FGF14: variants seen among roughly 807,000 people sequenced by gnomAD.
FGF14 encodes the protein fibroblast growth factor 14, also known as fibroblast growth factor homologous factor 4.
A neutral mutation model predicts 25.5 loss-of-function variants in FGF14; 5 were observed. The observed-to-expected ratio is 0.20, with a 90% CI of 0.10 to 0.41. FGF14 has a LOEUF of 0.41. Among genes scored for constraint, FGF14 ranks in the 10% least tolerant of loss-of-function variants. The pLI is 1.00. For missense variants in FGF14, 222 were observed against 320.1 expected (o/e 0.69, Z 2.34); for synonymous variants, 138 against 118.3 (o/e 1.17, Z -1.08).
intron 1 of FGF14, among the ~76,000 whole-genome samples, chr13:101,876,491 A>G (rs2045401626): frequency 6.6e-6 from 1 of 152,204 alleles, no homozygotes; most frequent in South Asian, 2.1e-4. Context: ...TCCTGAAGAA[A>G]TTACAAAGAA....
rs146607403 is a variant in FGF14, at chr13:102,372,840, G to A, written c.208+28631C>T. Among the ~76,000 whole-genome samples the A allele has an allele frequency of 1.2e-3, 178 of 152,086 alleles. 1 individual carries two copies. The highest frequency in any genetic ancestry group is 4.0e-3 in the African/African-American group (167 of 41,494). ...CCACGAGCCCTTTCTACAACGCAGGGGCTACTGTGAAGCTTTATATGCATT... is the reference window on the plus strand; with the variant it reads ...CCACGAGCCCTTTCTACAACGCAGGAGCTACTGTGAAGCTTTATATGCATT... On this transcript the variant is annotated intron_variant, in intron 1 of 4. Coordinates refer to the FGF14 transcript ENST00000376131.
chr13:101,721,095 A>G lies in FGF14; in HGVS notation c.*1736T>C, dbSNP rs2034945304. On this transcript the variant is annotated 3_prime_UTR_variant, in exon 5 of 5. Transcript: ENST00000376143. Reference sequence around the variant, plus strand: ...CCTCCCACATAGAAAGAATAACAAGAGGCCAGTACATTGATCCCACATATA... The same window carrying G: ...CCTCCCACATAGAAAGAATAACAAGGGGCCAGTACATTGATCCCACATATA... 1 of 152,138 alleles carries G rather than the reference A, an allele frequency of 6.6e-6. No homozygotes were observed. The highest frequency in any genetic ancestry group is 6.5e-5 in the Admixed American group (1 of 15,274). The allele number at this position is 152,138 out of a possible 1,614,324, so 9.4% of individuals were successfully genotyped here.
chr13:102,043,694 T>C (rs148167218), intron 1 of FGF14, among the ~76,000 whole-genome samples: 3 of 152,254 alleles, frequency 2.0e-5, no homozygotes, highest in East Asian at 1.9e-4. Context: ...CAGTGAGCCA[T>C]ATAAGAAACA....
At chr13:102,011,425 C>A (rs2040071357) in intron 1 of FGF14, among the ~76,000 whole-genome samples, 1 of 152,164 alleles carries the variant, frequency 6.6e-6, no homozygotes, top group Non-Finnish European at 1.5e-5. Flanking sequence ...GCATAGAGAG[C>A]AGCTCAGACA....
chr13:101,867,331 A>T (rs1680256439), intron 3 of FGF14, among the ~76,000 whole-genome samples: 1 of 152,174 alleles, frequency 6.6e-6, no homozygotes, highest in African/African-American at 2.4e-5. Flanking sequence ...TAAATAAATA[A>T]AAAGCAACTC....
At chr13:101,953,570 G>GTGTGTGTGTGTGTGTATATATA (rs532696085) in intron 1 of FGF14, among the ~76,000 whole-genome samples, 3 of 138,074 alleles carry the variant, frequency 2.2e-5, no homozygotes, top group African/African-American at 7.6e-5. Context: ...GTGTGTGTGT[G>GTGTGTGTGTGTGTGTATATATA]TATATATATA....
rs151325645 is a variant in FGF14, at chr13:101,722,924, C to T, written c.651G>A (p.Thr217=). 52 of 1,613,098 alleles carry T rather than the reference C, an allele frequency of 3.2e-5. No homozygotes were observed. Among genetic ancestry groups the T allele is most frequent in the South Asian group, 4.4e-5 (4 of 91,054 alleles). ...REPSLHDVGE[T]VPKPGVTPSK... ...TTGGCGTCACCCCAGGCTTCGGGAC[C>T]GTTTCCCCAACATCATGCAAAGATG... is the stretch of plus-strand genomic sequence containing the variant. The change falls in exon 5 of 5, where the codon ACG becomes ACA. Residue 217 remains threonine (T), a synonymous_variant. Transcript: ENST00000376143.
In FGF14 at chr13:102,043,982, T is replaced by C. The variant is rs2041863463; in HGVS notation, c.209-168686A>G. Among the ~76,000 whole-genome samples, 6 of 152,236 alleles carry C rather than the reference T, an allele frequency of 3.9e-5. No homozygotes were observed. The South Asian group carries it at 1.2e-3, about 31-fold the overall frequency. The stretch of plus-strand genomic sequence containing the variant: ...ACAGTGCTCAAGTTCTGTTAAGCTT[T>C]AACTCTGGGAAGCTATGAGTGGAAC... On this transcript the variant is annotated intron_variant, in intron 1 of 4. Transcript: ENST00000376131.
chr13:101,723,085 A>T, intron 4 of FGF14, 118 bp from the exon 5 acceptor site: 1 of 1,186,724 alleles, frequency 8.4e-7, no homozygotes, highest in Non-Finnish European at 1.2e-6. Context: ...CCCTGAAGTA[A>T]AGCAATTCCA....
intron 3 of FGF14, among the ~76,000 whole-genome samples, chr13:101,761,698 T>C (rs1204162383): frequency 6.6e-6 from 1 of 152,220 alleles, no homozygotes; most frequent in Non-Finnish European, 1.5e-5. Flanking sequence ...ATCTGATCAC[T>C]GTACACTATA....
intron 1 of FGF14, among the ~76,000 whole-genome samples, chr13:102,172,414 G>T (rs755867893): frequency 5.3e-5 from 8 of 152,006 alleles, no homozygotes; most frequent in Non-Finnish European, 1.2e-4. Context: ...ATAGACTTGG[G>T]GCATTTTGCT....
At chr13:102,235,579 G>A (rs1928511) in intron 1 of FGF14, among the ~76,000 whole-genome samples, 92,895 of 152,052 alleles carry the variant, frequency 0.61, 28,733 homozygotes, top group Middle Eastern at 0.71. Flanking sequence ...CCATACAAAT[G>A]TTGCAAATTT....
intron 3 of FGF14, among the ~76,000 whole-genome samples, chr13:101,776,377 T>C (rs1032147714): frequency 9.2e-5 from 14 of 152,126 alleles, no homozygotes; most frequent in African/African-American, 3.4e-4. Context: ...TAGGATGCAT[T>C]TCTCAAGGCA....
intron 1 of FGF14, among the ~76,000 whole-genome samples, chr13:102,274,927 C>T (rs368890261): frequency 1.1e-4 from 17 of 149,012 alleles, no homozygotes; most frequent in South Asian, 1.1e-3. Flanking sequence ...TAAATAATGA[C>T]GAGTAAAATA....
At chr13:101,799,235 A>G (rs553229763) in intron 3 of FGF14, among the ~76,000 whole-genome samples, 2 of 152,088 alleles carry the variant, frequency 1.3e-5, no homozygotes, top group Non-Finnish European at 2.9e-5. Flanking sequence ...CTTATTTCAA[A>G]TTCATGCTGT....
intron 3 of FGF14, among the ~76,000 whole-genome samples, chr13:101,815,929 A>G (rs1594352902): frequency 6.6e-6 from 1 of 152,170 alleles, no homozygotes; most frequent in Non-Finnish European, 1.5e-5. Flanking sequence ...CTGAATTAAC[A>G]GTCAAATTAA....
At chr13:101,837,168 A>G (rs989317635) in intron 3 of FGF14, among the ~76,000 whole-genome samples, 3 of 143,924 alleles carry the variant, frequency 2.1e-5, no homozygotes, top group Non-Finnish European at 3.1e-5. Context: ...CTGGTACTAT[A>G]TGTGTGTGTG....
At chr13:101,904,074 A>C (rs755869889) in intron 1 of FGF14, among the ~76,000 whole-genome samples, 1 of 152,210 alleles carries the variant, frequency 6.6e-6, no homozygotes, top group Non-Finnish European at 1.5e-5. Flanking sequence ...CACAGCGTGC[A>C]AAAGAAGAAC....
chr13:101,873,062 G>A (rs2045201030), intron 2 of FGF14, among the ~76,000 whole-genome samples: 1 of 151,928 alleles, frequency 6.6e-6, no homozygotes, highest in Admixed American at 6.6e-5. Flanking sequence ...CAGAACAGAA[G>A]GTGGAGTGTT....
Sources: allele counts gnomAD v4.1 joint callset (sites outside exome capture counted in the v4.1 genomes callset), GRCh38; gene constraint gnomAD v4.1.1; transcripts MANE v1.5; gene names NCBI Gene and HGNC (gene_info 2026-07-23, HGNC 2026-07-21).